Variants in KLHDC7A observed in about 807,000 individuals in gnomAD.
KLHDC7A encodes kelch domain containing 7A.
For missense variants in KLHDC7A, 1,123 were observed against 1,052.6 expected (o/e 1.07, Z -0.93); for synonymous variants, 464 against 461.0 (o/e 1.01, Z -0.08).
chr1:18,483,400 A>C lies in KLHDC7A; in HGVS notation c.*85A>C, dbSNP rs1165693957. ...GTCCCTCTGGGGGCCATTTCTAGGC[A>C]AACAGGCAACCCAGGAATGTGGCCA... On this transcript the variant is annotated 3_prime_UTR_variant, in exon 1 of 1. Coordinates refer to ENST00000400664, the MANE Select transcript of KLHDC7A (RefSeq NM_152375.3). 8 of 1,547,178 alleles carry C rather than the reference A, an allele frequency of 5.2e-6. No individual in the cohort carries two copies. The African/African-American group carries it at 9.6e-5, about 19-fold the overall frequency.
chr1:18,482,598 C>A lies in KLHDC7A; in HGVS notation c.1617C>A (p.Phe539Leu), dbSNP rs768084820. The A allele has an allele frequency of 1.2e-6, 2 of 1,611,296 alleles. No homozygotes were observed. The highest frequency in any genetic ancestry group is 3.3e-5 in the Admixed American group (2 of 60,004). Residue 539 changes from phenylalanine (F) to leucine (L), a missense_variant, in exon 1 of 1, where the codon TTC becomes TTA. Physicochemically the swap from Phe to Leu is conservative, Grantham distance 22 (BLOSUM62 0). Coordinates refer to ENST00000400664, the MANE Select transcript of KLHDC7A (RefSeq NM_152375.3). Reference sequence around the variant, plus strand: ...GGGGCTGTGCCATCTGCAGTCTCTTCAATTATCTCTTCGTGGTGTCCGGCT... The same window carrying A: ...GGGGCTGTGCCATCTGCAGTCTCTTAAATTATCTCTTCGTGGTGTCCGGCT... ...VSRGCAICSL[F>L]NYLFVVSGCQ...
chr1:18,482,387 C>T lies in KLHDC7A; in HGVS notation c.1406C>T (p.Pro469Leu), dbSNP rs749082675. The change falls in exon 1 of 1, where the codon CCG becomes CTG. Residue 469 changes from proline to leucine, a missense_variant. Physicochemically the swap from Pro to Leu is moderately conservative, Grantham distance 98. Coordinates refer to ENST00000400664, the MANE Select transcript of KLHDC7A (RefSeq NM_152375.3). ...SENYLQVLRS[P>L]DIYGCLSGAE... ...AACTACCTGCAGGTGCTGCGCAGCC[C>T]GGACATCTACGGGTGCCTGAGCGGG... 8 of 1,605,480 alleles carry T rather than the reference C, an allele frequency of 5.0e-6. No homozygotes were observed. In the South Asian group the frequency reaches 7.7e-5, roughly 15 times the overall value.
Position 18,483,092 on chromosome 1 carries a change from A to G in KLHDC7A, c.2111A>G (p.Glu704Gly). Residue 704 changes from glutamate to glycine, a missense_variant, in exon 1 of 1, where the codon GAG becomes GGG. Coordinates refer to ENST00000400664, the MANE Select transcript of KLHDC7A (RefSeq NM_152375.3). Reference protein sequence around the residue: ...RCSASTRLWYECATYRTPYPD... With the variant: ...RCSASTRLWYGCATYRTPYPD... ...AGCGCCAGCACCCGGCTCTGGTACGAGTGCGCCACGTACCGGACGCCTTAC... is the reference window on the plus strand; with the variant it reads ...AGCGCCAGCACCCGGCTCTGGTACGGGTGCGCCACGTACCGGACGCCTTAC... 1.2e-6 allele frequency: 2 copies of G among 1,613,770 alleles called. No homozygotes were observed. The highest frequency in any genetic ancestry group is 1.7e-6 in the Non-Finnish European group (2 of 1,179,960).
In KLHDC7A at chr1:18,482,549, G is replaced by C. The variant is rs769964876; in HGVS notation, c.1568G>C (p.Arg523Pro). 3 of 1,611,838 alleles carry C rather than the reference G, an allele frequency of 1.9e-6. No homozygotes were observed. In the South Asian group the frequency reaches 3.3e-5, roughly 18 times the overall value. Reference sequence around the variant, plus strand: ...CAGGATGTCTGGCGCCCGCTGGCTCGCATGCCCCCCGAGGCCGTGTCCCGG... The same window carrying C: ...CAGGATGTCTGGCGCCCGCTGGCTCCCATGCCCCCCGAGGCCGTGTCCCGG... ...DEQDVWRPLA[R>P]MPPEAVSRGC... Residue 523 changes from arginine (R) to proline (P), a missense_variant, in exon 1 of 1, where the codon CGC (arginine) becomes CCC (proline). Transcript: ENST00000400664.
At position 18,483,947 on chromosome 1, in the gene KLHDC7A, A is replaced by G. The variant is rs1215723252; in HGVS notation, c.*632A>G. On this transcript the variant is annotated 3_prime_UTR_variant, in exon 1 of 1. Coordinates refer to ENST00000400664, the MANE Select transcript of KLHDC7A (RefSeq NM_152375.3). ...CCAGCCTAGGAGACTCTTGCTTGCG[A>G]GAAAATATACCAAAGCCCACATTAC... 1 of 1,304,244 alleles carries G rather than the reference A, an allele frequency of 7.7e-7. No individual in the cohort carries two copies. The highest frequency in any genetic ancestry group is 1.5e-5 in the African/African-American group (1 of 66,002). 80.8% of individuals were successfully genotyped at this position (1,304,244 alleles called of 1,614,324 possible). A position where few individuals can be genotyped will look rare whatever the true frequency, so the allele number is the denominator to read the frequency against.
rs776798264 is a variant in KLHDC7A, at chr1:18,481,153, G to A, written c.172G>A (p.Glu58Lys). The A allele has an allele frequency of 2.0e-5, 32 of 1,612,764 alleles. No individual in the cohort carries two copies. The highest frequency in any genetic ancestry group is 2.7e-5 in the Non-Finnish European group (32 of 1,179,532). The change falls in exon 1 of 1, where the codon GAG (glutamate) becomes AAG (lysine). Residue 58 changes from glutamate (E) to lysine (K), a missense_variant. By Grantham distance (56) the Glu-to-Lys change is moderately conservative. Transcript: ENST00000400664. ...WGGNGQAEAK[E>K]EAEGSGQPAV... ...TGGGAATGGCCAGGCAGAAGCCAAGGAGGAAGCAGAGGGCTCAGGGCAGCC... is the reference window on the plus strand; with the variant it reads ...TGGGAATGGCCAGGCAGAAGCCAAGAAGGAAGCAGAGGGCTCAGGGCAGCC...
At position 18,483,054 on chromosome 1, in the gene KLHDC7A, C is replaced by G. The variant is rs148144311; in HGVS notation, c.2073C>G (p.Ala691=). 724 of 1,613,620 alleles carry G rather than the reference C, an allele frequency of 4.5e-4. 1 individual carries two copies. The highest frequency in any genetic ancestry group is 5.7e-4 in the Non-Finnish European group (669 of 1,179,960). Residue 691 remains alanine (A), a synonymous_variant, in exon 1 of 1, where the codon GCC becomes GCG. Coordinates refer to ENST00000400664, the MANE Select transcript of KLHDC7A (RefSeq NM_152375.3). ...ACCTCAACCGCAGCCTGGGCATCGC[C>G]GTGTACCGCTGCAGCGCCAGCACCC... ...RFDLNRSLGI[A]VYRCSASTRL... is the part of the protein sequence containing the mutation.
rs750158141 is a variant in KLHDC7A at position 18,482,611 on chromosome 1, G to T, written c.1630G>T (p.Val544Leu). The change falls in exon 1 of 1, where the codon GTG (valine) becomes TTG (leucine). Residue 544 changes from valine to leucine, a missense_variant. Coordinates refer to ENST00000400664, the MANE Select transcript of KLHDC7A (RefSeq NM_152375.3). ...AICSLFNYLF[V>L]VSGCQGPGHQ... ...CTGCAGTCTCTTCAATTATCTCTTCGTGGTGTCCGGCTGCCAGGGGCCCGG... is the reference window on the plus strand; with the variant it reads ...CTGCAGTCTCTTCAATTATCTCTTCTTGGTGTCCGGCTGCCAGGGGCCCGG... 1.9e-6 allele frequency: 3 copies of T among 1,610,134 alleles called. No individual in the cohort carries two copies. The African/African-American group carries it at 4.0e-5, about 21-fold the overall frequency.
chr1:18,481,205 TG>T lies in KLHDC7A; in HGVS notation c.225del (p.Leu76SerfsTer2). 1 of 1,593,324 alleles carries T rather than the reference TG, an allele frequency of 6.3e-7. No individual in the cohort carries two copies. ...QPAVQEASPG[V>X]LLRGPRRRRS... ...GCTGTACAGGAGGCTTCTCCTGGGG[TG>T]CTCCTGAGGGGGCCAAGACGTCGGA... is the stretch of plus-strand genomic sequence containing the variant. On this transcript the variant is annotated frameshift_variant, in exon 1 of 1. Transcript: ENST00000400664. LOFTEE classifies it low-confidence loss of function (END_TRUNC).
At position 18,482,397 on chromosome 1, in the gene KLHDC7A, C is replaced by T. The variant is rs1459910309; in HGVS notation, c.1416C>T (p.Tyr472=). ...AGGTGCTGCGCAGCCCGGACATCTA[C>T]GGGTGCCTGAGCGGGGCAGAGCGCG... ...YLQVLRSPDI[Y]GCLSGAEREL... is the part of the protein sequence containing the mutation. The change falls in exon 1 of 1, where the codon TAC becomes TAT. Residue 472 remains tyrosine, a synonymous_variant. Transcript: ENST00000400664. 8 of 1,606,576 alleles carry T rather than the reference C, an allele frequency of 5.0e-6. No homozygotes were observed. The highest frequency in any genetic ancestry group is 5.9e-6 in the Non-Finnish European group (7 of 1,179,942).
In KLHDC7A at chr1:18,483,628, C is replaced by T; in HGVS notation, c.*313C>T. The stretch of plus-strand genomic sequence containing the variant: ...ATTCTTGGGGGGATACACCGGGACC[C>T]CACCAAAGCTTAGGGGGCATAGTCT... On this transcript the variant is annotated 3_prime_UTR_variant, in exon 1 of 1. Coordinates refer to ENST00000400664, the MANE Select transcript of KLHDC7A (RefSeq NM_152375.3). The T allele has an allele frequency of 8.6e-6, 11 of 1,281,788 alleles. No individual in the cohort carries two copies. The highest frequency in any genetic ancestry group is 1.1e-5 in the Non-Finnish European group (11 of 996,952). 79.4% of individuals were successfully genotyped at this position (1,281,788 alleles called of 1,614,324 possible). A position where few individuals can be genotyped will look rare whatever the true frequency, so the allele number is the denominator to read the frequency against.
At position 18,485,444 on chromosome 1, in the gene KLHDC7A, G is replaced by C. The variant is rs1000984564; in HGVS notation, c.*2129G>C. ...GGTCTTCATAATGAGAGGTGGAGCT[G>C]AGATTTGGGCCTGGGCTGGGAAGAG... On this transcript the variant is annotated 3_prime_UTR_variant, in exon 1 of 1. Coordinates refer to ENST00000400664, the MANE Select transcript of KLHDC7A (RefSeq NM_152375.3). The C allele has an allele frequency of 1.2e-5, 2 of 165,604 alleles. No individual in the cohort carries two copies. Among genetic ancestry groups the C allele is most frequent in the African/African-American group, 2.4e-5 (1 of 40,940 alleles). 10.3% of individuals were successfully genotyped at this position (165,604 alleles called of 1,614,324 possible).
At position 18,481,217 on chromosome 1, in the gene KLHDC7A, G is replaced by T. The variant is rs753525727; in HGVS notation, c.236G>T (p.Gly79Val). 1.1e-4 allele frequency: 182 copies of T among 1,587,692 alleles called. No homozygotes were observed. Among genetic ancestry groups the T allele is most frequent in the Non-Finnish European group, 1.5e-4 (178 of 1,167,042 alleles). ...QEASPGVLLR[G>V]PRRRRSSKRA... ...GCTTCTCCTGGGGTGCTCCTGAGGG[G>T]GCCAAGACGTCGGAGGAGCAGCAAG... The change falls in exon 1 of 1, where the codon GGG (glycine) becomes GTG (valine). Residue 79 changes from glycine to valine, a missense_variant. Physicochemically the swap from Gly to Val is moderately radical, Grantham distance 109 (BLOSUM62 -3). Coordinates refer to ENST00000400664, the MANE Select transcript of KLHDC7A (RefSeq NM_152375.3).
In KLHDC7A at chr1:18,483,613, G is replaced by T. The variant is rs1462168024; in HGVS notation, c.*298G>T. ...TTGCTTCAACTCTGAATTCTTGGGG[G>T]GATACACCGGGACCCCACCAAAGCT... On this transcript the variant is annotated 3_prime_UTR_variant, in exon 1 of 1. Coordinates refer to ENST00000400664, the MANE Select transcript of KLHDC7A (RefSeq NM_152375.3). 6.1e-6 allele frequency: 8 copies of T among 1,304,676 alleles called. No individual in the cohort carries two copies. The African/African-American group carries it at 1.2e-4, about 20-fold the overall frequency. 80.8% of individuals were successfully genotyped at this position (1,304,676 alleles called of 1,614,324 possible).
At position 18,482,261 on chromosome 1, in the gene KLHDC7A, A is replaced by G; in HGVS notation, c.1280A>G (p.Gln427Arg). The G allele has an allele frequency of 6.2e-7, 1 of 1,605,096 alleles. No homozygotes were observed. Among genetic ancestry groups the G allele is most frequent in the Non-Finnish European group, 8.5e-7 (1 of 1,179,902 alleles). Residue 427 changes from glutamine (Q) to arginine (R), a missense_variant, in exon 1 of 1, where the codon CAG becomes CGG. Transcript: ENST00000400664. ...HIPLTPASAP[Q>R]VRLDLGNCYE... is the part of the protein sequence containing the mutation. ...CCGCTCACCCCTGCTTCAGCCCCAC[A>G]GGTCCGCCTGGATCTGGGCAATTGC... is the stretch of plus-strand genomic sequence containing the variant.
rs2086886908 is a variant in KLHDC7A at position 18,481,296 on chromosome 1, C to A, written c.315C>A (p.Val105=). 6.3e-7 allele frequency: 1 copy of A among 1,587,066 alleles called. No homozygotes were observed. Among genetic ancestry groups the A allele is most frequent in the African/African-American group, 1.3e-5 (1 of 74,116 alleles). The part of the protein sequence containing the change: ...CSCENPRGPY[V]LVTGATSTDR... ...GTGAGAATCCAAGAGGCCCCTATGT[C>A]CTGGTCACGGGGGCCACTTCCACAG... The change falls in exon 1 of 1, where the codon GTC becomes GTA. Residue 105 remains valine, a synonymous_variant. Coordinates refer to ENST00000400664, the MANE Select transcript of KLHDC7A (RefSeq NM_152375.3).
chr1:18,481,713 T>G lies in KLHDC7A; in HGVS notation c.732T>G (p.Asp244Glu). The G allele has an allele frequency of 1.9e-6, 3 of 1,614,112 alleles. No homozygotes were observed. The highest frequency in any genetic ancestry group is 2.5e-6 in the Non-Finnish European group (3 of 1,180,018). Reference sequence around the variant, plus strand: ...CTGGGGCTCTCGAGGCTGCCTCCGATGTTGACCTGACCCTGCATCAGCAGG... The same window carrying G: ...CTGGGGCTCTCGAGGCTGCCTCCGAGGTTGACCTGACCCTGCATCAGCAGG... ...EEAGALEAASDVDLTLHQQEG... is the reference protein window; with the variant it reads ...EEAGALEAASEVDLTLHQQEG... The change falls in exon 1 of 1, where the codon GAT becomes GAG. Residue 244 changes from aspartate to glutamate, a missense_variant. Physicochemically the swap from Asp to Glu is conservative, Grantham distance 45 (BLOSUM62 2). Transcript: ENST00000400664.
At position 18,481,101 on chromosome 1, in the gene KLHDC7A, G is replaced by A. The variant is rs1399021358; in HGVS notation, c.120G>A (p.Ser40=). The change falls in exon 1 of 1, where the codon TCG becomes TCA. Residue 40 remains serine, a synonymous_variant. Coordinates refer to ENST00000400664, the MANE Select transcript of KLHDC7A (RefSeq NM_152375.3). ...CTGTGGCCTACAGGCTGTACAAGTC[G>A]AGGCCTGCCCCAGCCCAGCGGTGGG... The part of the protein sequence containing the change: ...LVTVAYRLYK[S]RPAPAQRWGG... 2.5e-6 allele frequency: 4 copies of A among 1,613,660 alleles called. No individual in the cohort carries two copies. Among genetic ancestry groups the A allele is most frequent in the East Asian group, 4.5e-5 (2 of 44,866 alleles).
chr1:18,483,353 C>G lies in KLHDC7A; in HGVS notation c.*38C>G. ...TGAGCTCCTCATGCAAAGCTGGGGG[C>G]CACCGGGCTCCACTGCCAGCCGTCC... On this transcript the variant is annotated 3_prime_UTR_variant, in exon 1 of 1. Transcript: ENST00000400664. 2 of 1,581,442 alleles carry G rather than the reference C, an allele frequency of 1.3e-6. No individual in the cohort carries two copies. The highest frequency in any genetic ancestry group is 1.7e-6 in the Non-Finnish European group (2 of 1,161,794).
Sources: allele counts gnomAD v4.1 joint callset, GRCh38; gene constraint gnomAD v4.1.1; transcripts MANE v1.5; gene names NCBI Gene and HGNC (gene_info 2026-07-23, HGNC 2026-07-21).